Variants in SCN8A observed in about 807,000 individuals in gnomAD.
SCN8A encodes the protein sodium channel protein type 8 subunit alpha.
In SCN8A, 30 loss-of-function variants were observed where a neutral mutation model predicts 184.1. That is an observed-to-expected ratio of 0.16 (90% confidence interval 0.12 to 0.22). SCN8A has a LOEUF of 0.22. SCN8A is among the 10% of genes least tolerant of loss of function. SCN8A has a pLI of 1.00. For synonymous variants in SCN8A, 852 were observed against 907.0 expected, an observed-to-expected ratio of 0.94 and a Z score of 1.09; for missense variants, 1,057 against 2,498.9, an observed-to-expected ratio of 0.42 and a Z score of 12.30.
intron 14 of SCN8A, among the ~76,000 whole-genome samples, chr12:51,761,030 C>G (rs1233906154): frequency 6.6e-6 from 1 of 152,094 alleles, no homozygotes; most frequent in African/African-American, 2.4e-5. Context: ...ACTTGGTAAA[C>G]AGGTAGTTAC....
chr12:51,605,722 G>A (rs1939576352), intron 1 of SCN8A, among the ~76,000 whole-genome samples: 1 of 152,190 alleles, frequency 6.6e-6, no homozygotes, highest in African/African-American at 2.4e-5. Flanking sequence ...CAATGTAGAA[G>A]TGTTCCCTGT....
intron 12 of SCN8A, among the ~76,000 whole-genome samples, chr12:51,724,822 C>T (rs968680109): frequency 1.3e-5 from 2 of 152,184 alleles, no homozygotes; most frequent in African/African-American, 4.8e-5. Context: ...TAAACTTCAG[C>T]TGAAGAGAGA....
At chr12:51,721,143 A>ATTGTTATATATATATAATATTTATTTT in intron 11 of SCN8A, among the ~76,000 whole-genome samples, 1 of 138,026 alleles carries the variant, frequency 7.2e-6, no homozygotes, top group African/African-American at 2.7e-5. Flanking sequence ...ATATTTATTT[A>ATTGTTATATATATATAATATTTATTTT]TTGTTATATA....
At position 51,812,183 on chromosome 12, in the gene SCN8A, TG is replaced by T. The variant is rs1445688160; in HGVS notation, c.*4758del. ...CTGTTTGCTGTACATAGAGGCTAAG[TG>T]GGGTGGGGTGGGTGGGTGTGCACAT... On this transcript the variant is annotated 3_prime_UTR_variant, in exon 27 of 27. Coordinates refer to ENST00000627620, the MANE Select transcript of SCN8A (RefSeq NM_001330260.2). The T allele has an allele frequency of 1.3e-5, 1 of 74,564 alleles. No individual in the cohort carries two copies. Among genetic ancestry groups the T allele is most frequent in the Admixed American group, 1.3e-4 (1 of 7,924 alleles). 4.6% of individuals were successfully genotyped at this position (74,564 alleles called of 1,614,324 possible).
rs376837237 is a variant in SCN8A at position 51,712,429 on chromosome 12, C to A, written c.1635+5714C>A. ...TTCCTGACAGCTCCTCGCGCTCTCT[C>A]CTGCTGAGAACTGTAGCCCTTTTCT... On this transcript the variant is annotated intron_variant, in intron 11 of 26. Coordinates refer to ENST00000627620, the MANE Select transcript of SCN8A (RefSeq NM_001330260.2). 4 of 764,052 alleles carry A rather than the reference C, an allele frequency of 5.2e-6. No homozygotes were observed. The East Asian group carries it at 7.3e-5, about 14-fold the overall frequency. 47.3% of individuals were successfully genotyped at this position (764,052 alleles called of 1,614,324 possible). A position where few individuals can be genotyped will look rare whatever the true frequency, so the allele number is the denominator to read the frequency against.
intron 21 of SCN8A, among the ~76,000 whole-genome samples, chr12:51,781,438 C>G (rs970449150): frequency 6.6e-6 from 1 of 152,186 alleles, no homozygotes; most frequent in Non-Finnish European, 1.5e-5. Context: ...TCCCCTAACA[C>G]TGTCAAAATG....
chr12:51,692,261 C>G (rs1346835902), intron 6 of SCN8A, among the ~76,000 whole-genome samples: 1 of 152,184 alleles, frequency 6.6e-6, no homozygotes, highest in African/African-American at 2.4e-5. Flanking sequence ...TTTTCCTTTC[C>G]TAGAGCACTC....
chr12:51,631,896 A>G (rs1940203501), intron 1 of SCN8A, among the ~76,000 whole-genome samples: 1 of 152,212 alleles, frequency 6.6e-6, no homozygotes, highest in Admixed American at 6.5e-5. Context: ...ATAGTCCAGA[A>G]GTAAGCCGAG....
chr12:51,807,402 A>G lies in SCN8A; in HGVS notation c.5916A>G (p.Gln1972=). ...GAAGAAGGGAAAGAGCCAAAAGACA[A>G]AAAGAGGTCAGAGAATCCAAGTGTT... ...EEGRRERAKR[Q]KEVRESKC is the part of the protein sequence containing the mutation. Residue 1972 remains glutamine, a synonymous_variant, in exon 27 of 27, where the codon CAA becomes CAG. Coordinates refer to ENST00000627620, the MANE Select transcript of SCN8A (RefSeq NM_001330260.2). This position sits in a 1 kb window ranked among gnomAD's most constrained non-coding sequence, Gnocchi z 4.5. 3 of 1,611,954 alleles carry G rather than the reference A, an allele frequency of 1.9e-6. No individual in the cohort carries two copies. Among genetic ancestry groups the G allele is most frequent in the Non-Finnish European group, 2.5e-6 (3 of 1,178,880 alleles).
intron 1 of SCN8A, among the ~76,000 whole-genome samples, chr12:51,597,408 G>A (rs1336111380): frequency 3.3e-5 from 5 of 152,194 alleles, no homozygotes; most frequent in African/African-American, 9.6e-5. Flanking sequence ...GGGGGTTCCT[G>A]GGGAGTAAGA....
chr12:51,766,969 A>G (rs1293580838), intron 16 of SCN8A, among the ~76,000 whole-genome samples: 3 of 152,240 alleles, frequency 2.0e-5, no homozygotes, highest in African/African-American at 7.2e-5. Context: ...TAACATGCTC[A>G]TCCACATTAG....
rs528325029 is a variant in SCN8A at position 51,795,468 on chromosome 12, C to T, written c.4795+827C>T. ...ACTCATTTACACTAGAGAGAGTGCT[C>T]GAGACCCATGGGACCAGCCCCAGAG... On this transcript the variant is annotated intron_variant, in intron 26 of 26. Transcript: ENST00000627620. Among the ~76,000 whole-genome samples the T allele has an allele frequency of 2.6e-5, 4 of 152,302 alleles. No individual in the cohort carries two copies. In the East Asian group the frequency reaches 7.7e-4, roughly 29 times the overall value.
chr12:51,786,407 G>T (rs548762070), intron 21 of SCN8A, 135 bp from the exon 22 acceptor site: 1 of 1,003,458 alleles, frequency 1.0e-6, no homozygotes, highest in Non-Finnish European at 1.5e-6. Flanking sequence ...AGTCTGTCCA[G>T]TTACTCTAAT....
At chr12:51,750,996 T>A (rs1942585914) in intron 13 of SCN8A, among the ~76,000 whole-genome samples, 1 of 152,198 alleles carries the variant, frequency 6.6e-6, no homozygotes, top group Non-Finnish European at 1.5e-5. Flanking sequence ...GTTTTACAGC[T>A]GAGGCAGCTG....
chr12:51,603,543 C>G (rs774864217), intron 1 of SCN8A, among the ~76,000 whole-genome samples: 1 of 152,140 alleles, frequency 6.6e-6, no homozygotes, highest in Non-Finnish European at 1.5e-5. Flanking sequence ...TTTCTCAAAG[C>G]TGATCCCTAA....
At chr12:51,633,346 G>C (rs1193766970) in intron 1 of SCN8A, among the ~76,000 whole-genome samples, 1 of 152,166 alleles carries the variant, frequency 6.6e-6, no homozygotes, top group East Asian at 1.9e-4. Context: ...GCATCTTCAT[G>C]GTTCTGTGTT....
At chr12:51,674,271 TC>T (rs1272204741) in intron 2 of SCN8A, among the ~76,000 whole-genome samples, 2 of 152,208 alleles carry the variant, frequency 1.3e-5, no homozygotes, top group Non-Finnish European at 2.9e-5. Context: ...CAAGTGTCCT[TC>T]CTGCAGGCTT....
At chr12:51,629,197 G>T (rs1236755982) in intron 1 of SCN8A, among the ~76,000 whole-genome samples, 1 of 152,182 alleles carries the variant, frequency 6.6e-6, no homozygotes. Context: ...TTCTCTGTCT[G>T]TCATAGCTAT....
In SCN8A at chr12:51,605,810, C is replaced by T. The variant is rs545920483; in HGVS notation, c.-55+14451C>T. Among the ~76,000 whole-genome samples the T allele has an allele frequency of 1.8e-3, 279 of 152,220 alleles. 2 individuals are homozygous for T. The highest frequency in any genetic ancestry group is 6.8e-3 in the Middle Eastern group (2 of 294). ...TTCTTTCAGGAGTAAGGTGGTATTG[C>T]ATTGTGGTTTTGGTTCCCATTTCCC... On this transcript the variant is annotated intron_variant, in intron 1 of 26. Coordinates refer to ENST00000627620, the MANE Select transcript of SCN8A (RefSeq NM_001330260.2).
Sources: allele counts gnomAD v4.1 joint callset (sites outside exome capture counted in the v4.1 genomes callset), GRCh38; gene constraint gnomAD v4.1.1; non-coding constraint Gnocchi (gnomAD v3.1); transcripts MANE v1.5; gene names NCBI Gene and HGNC (gene_info 2026-07-23, HGNC 2026-07-21).